ABCB9: variants seen among roughly 807,000 people sequenced by gnomAD.
ABCB9 encodes ABC-type oligopeptide transporter ABCB9.
A neutral mutation model predicts 62.0 loss-of-function variants in ABCB9; 36 were observed. That is an observed-to-expected ratio of 0.58 (90% confidence interval 0.45 to 0.77). The LOEUF is 0.77. Among genes scored for constraint, ABCB9 ranks in the 30% least tolerant of loss-of-function variants. ABCB9 has a pLI of 0.00. For synonymous variants in ABCB9, 435 were observed against 461.4 expected, an observed-to-expected ratio of 0.94 and a Z score of 0.73; for missense variants, 943 against 1,054.7, an observed-to-expected ratio of 0.89 and a Z score of 1.47.
chr12:122,931,983 A>G (rs2035193832), intron 11 of ABCB9: 3 of 836,052 alleles, frequency 3.6e-6, no homozygotes, highest in Non-Finnish European at 5.5e-6. Context: ...GCCCCACACC[A>G]TACAGCTCTG....
chr12:122,965,462 C>T (rs969635976), intron 1 of ABCB9, among the ~76,000 whole-genome samples: 13 of 152,278 alleles, frequency 8.5e-5, no homozygotes, highest in Admixed American at 4.6e-4. Flanking sequence ...GGGGCAGGAG[C>T]GGGCTGGGTC....
chr12:122,924,884 A>T, downstream of ABCB9: 1 of 1,460,330 alleles, frequency 6.8e-7, no homozygotes, highest in Non-Finnish European at 9.3e-7. Context: ...TTTAAAAGTC[A>T]TAACTCTCCA....
chr12:122,964,550 A>G lies in ABCB9; in HGVS notation c.-88+1737T>C, dbSNP rs2037073869. Among the ~76,000 whole-genome samples, 1 of 152,156 alleles carries G rather than the reference A, an allele frequency of 6.6e-6. No individual in the cohort carries two copies. Among genetic ancestry groups the G allele is most frequent in the East Asian group, 1.9e-4 (1 of 5,194 alleles). On this transcript the variant is annotated intron_variant, in intron 1 of 11. Coordinates refer to ENST00000280560, the MANE Select transcript of ABCB9 (RefSeq NM_019625.4). The surrounding 1 kb of genome is among the most constrained non-coding windows in gnomAD (Gnocchi z 4.7). ...GGACTCCAGCCCCGGGTCGGGTTAC[A>G]GTCCTCGGTGGGGACAGTTACTCCG...
rs1307904649 is a variant in ABCB9, at chr12:122,935,296, C to G, written c.1879G>C (p.Glu627Gln). The change falls in exon 10 of 12, where the codon GAA becomes CAA. Residue 627 changes from glutamate (E) to glutamine (Q), a missense_variant. Physicochemically the swap from Glu to Gln is conservative, Grantham distance 29 (BLOSUM62 2). Transcript: ENST00000280560. ...QKANAHGFIMELQDGYSTETG... is the reference protein window; with the variant it reads ...QKANAHGFIMQLQDGYSTETG... ...CCTGTGCTGTAGCCGTCCTGGAGTT[C>G]CATGATGAAGCCGTGGGCATTGGCC... 1.2e-6 allele frequency: 2 copies of G among 1,612,188 alleles called. No individual in the cohort carries two copies.
Position 122,932,251 on chromosome 12 carries a change from G to A in ABCB9, c.1981C>T (p.Pro661Ser), listed in dbSNP as rs1336921795. The A allele has an allele frequency of 3.3e-5, 51 of 1,551,944 alleles. No individual in the cohort carries two copies. Among genetic ancestry groups the A allele is most frequent in the Non-Finnish European group, 4.3e-5 (49 of 1,147,408 alleles). ...VAMARALVRN[P>S]PVLILDEATS... ...GCTTCATCCAGGATGAGGACTGGGG[G>A]GTTCCGCACCAGAGCCCGGGCCATG... Residue 661 changes from proline to serine, a missense_variant, in exon 11 of 12, where the codon CCC (proline) becomes TCC (serine). Pro to Ser is a moderately conservative substitution (Grantham distance 74). Transcript: ENST00000280560. The surrounding 1 kb of genome is among the most constrained non-coding windows in gnomAD (Gnocchi z 4.7).
exon 12 of ABCB9, chr12:122,920,992 C>T: frequency 1.3e-6 from 2 of 1,531,110 alleles, no homozygotes; most frequent in Non-Finnish European, 1.7e-6. Flanking sequence ...TTATCATTGT[C>T]ATCATCATCA....
intron 5 of ABCB9, 164 bp from the exon 6 acceptor site, chr12:122,946,386 C>T: frequency 1.5e-6 from 1 of 678,070 alleles, no homozygotes; most frequent in South Asian, 1.9e-5. Flanking sequence ...CCCCCATCCC[C>T]TTCTGGCTCA....
intron 11 of ABCB9, chr12:122,931,325 T>A (rs1566153638): frequency 2.0e-5 from 2 of 101,164 alleles, no homozygotes; most frequent in Admixed American, 1.8e-4. Context: ...GCGCCCAGCC[T>A]TTTTTTTTTT....
Position 122,929,004 on chromosome 12 carries a change from G to A in ABCB9, c.*907C>T. The A allele has an allele frequency of 2.0e-6, 2 of 985,910 alleles. No homozygotes were observed. The highest frequency in any genetic ancestry group is 9.4e-5 in the South Asian group (2 of 21,292). 61.1% of individuals were successfully genotyped at this position (985,910 alleles called of 1,614,324 possible). On this transcript the variant is annotated 3_prime_UTR_variant, in exon 12 of 12. Transcript: ENST00000280560. The surrounding 1 kb of genome is among the most constrained non-coding windows in gnomAD (Gnocchi z 6.0). ...TAGAAGTCAGAGGTTAGGGGTAAGA[G>A]GTAGTACACTTTATTGACCGGGTTC...
At position 122,966,320 on chromosome 12, in the gene ABCB9, G is replaced by C. The variant is rs11061056; in HGVS notation, c.-121C>G. On this transcript the variant is annotated 5_prime_UTR_variant, in exon 1 of 12. Coordinates refer to ENST00000280560, the MANE Select transcript of ABCB9 (RefSeq NM_019625.4). ...TGGCACCAGGTGAGCTCTGGGAGGG[G>C]GCGCGCAGCAGGCTCGGGTCTGGGG... is the stretch of plus-strand genomic sequence containing the variant. The C allele has an allele frequency of 1.3e-5, 2 of 152,592 alleles. No individual in the cohort carries two copies. Among genetic ancestry groups the C allele is most frequent in the African/African-American group, 4.8e-5 (2 of 41,462 alleles). The allele number at this position is 152,592 out of a possible 1,614,324, so 9.5% of individuals were successfully genotyped here.
intron 11 of ABCB9, among the ~76,000 whole-genome samples, chr12:122,922,106 G>A (rs1419284071): frequency 1.3e-5 from 2 of 152,060 alleles, no homozygotes; most frequent in African/African-American, 2.4e-5. Flanking sequence ...GTGGCTTAAC[G>A]ACTGCTATTT....
chr12:122,921,108 C>G, intron 11 of ABCB9: 2 of 1,497,910 alleles, frequency 1.3e-6, no homozygotes, highest in Non-Finnish European at 1.8e-6. Flanking sequence ...CTTAATGCCT[C>G]TGGATCATGC....
At chr12:122,954,094 G>A (rs2036502311) in intron 2 of ABCB9, among the ~76,000 whole-genome samples, 1 of 151,696 alleles carries the variant, frequency 6.6e-6, no homozygotes, top group Non-Finnish European at 1.5e-5. Flanking sequence ...ACTTGAGCTG[G>A]AGAGGTCAAG....
Position 122,929,274 on chromosome 12 carries a change from G to A in ABCB9, c.*637C>T, listed in dbSNP as rs2035013385. 4 of 986,096 alleles carry A rather than the reference G, an allele frequency of 4.1e-6. No homozygotes were observed. The highest frequency in any genetic ancestry group is 4.8e-6 in the Non-Finnish European group (4 of 830,118). 61.1% of individuals were successfully genotyped at this position (986,096 alleles called of 1,614,324 possible). A position where few individuals can be genotyped will look rare whatever the true frequency, so the allele number is the denominator to read the frequency against. On this transcript the variant is annotated 3_prime_UTR_variant, in exon 12 of 12. Transcript: ENST00000280560. This position sits in a 1 kb window ranked among gnomAD's most constrained non-coding sequence, Gnocchi z 6.0. ...ACCTGGCCAGCCCCTCACTCCCCCA[G>A]TTGAGGTTTCGTGTGGTTCACAGTG...
At chr12:122,963,084 G>A (rs1014134137) in intron 1 of ABCB9, among the ~76,000 whole-genome samples, 25 of 152,282 alleles carry the variant, frequency 1.6e-4, no homozygotes, top group African/African-American at 5.5e-4. Flanking sequence ...AACAGCTTGA[G>A]CTCACGAGTT....
chr12:122,970,856 C>T (rs1015930104), upstream of ABCB9, among the ~76,000 whole-genome samples: 2 of 152,128 alleles, frequency 1.3e-5, no homozygotes, highest in Admixed American at 1.3e-4. Flanking sequence ...GCTATCAAGC[C>T]ATGAAAAGGC....
intron 1 of ABCB9, among the ~76,000 whole-genome samples, chr12:122,963,979 C>T (rs1343922404): frequency 1.3e-5 from 2 of 152,170 alleles, no homozygotes; most frequent in East Asian, 1.9e-4. Context: ...CCGTGGGGAG[C>T]GAGCGAGTGG....
downstream of ABCB9, among the ~76,000 whole-genome samples, chr12:122,925,472 G>T (rs2034873703): frequency 6.6e-6 from 1 of 152,182 alleles, no homozygotes; most frequent in Non-Finnish European, 1.5e-5. Context: ...TGTTGGGCCG[G>T]GCGCGGTGGC....
At chr12:122,949,572 G>A (rs913038293) in intron 4 of ABCB9, among the ~76,000 whole-genome samples, 3 of 152,218 alleles carry the variant, frequency 2.0e-5, no homozygotes, top group African/African-American at 7.2e-5. Flanking sequence ...CCTGGCCTGG[G>A]CCCCACAGAG....
Sources: gnomAD v4.1 joint callset for allele counts (sites outside exome capture counted in the v4.1 genomes callset) on GRCh38, gnomAD v4.1.1 for gene constraint, Gnocchi (gnomAD v3.1) non-coding constraint, MANE v1.5 for transcripts, NCBI Gene and HGNC (gene_info 2026-07-23, HGNC 2026-07-21) for gene names.